Variants in HMCN2 observed in about 807,000 individuals in gnomAD.
The protein encoded by HMCN2 is hemicentin-2.
A neutral mutation model predicts 377.5 loss-of-function variants in HMCN2; 325 were observed. That is an observed-to-expected ratio of 0.86 (90% confidence interval 0.79 to 0.94). The LOEUF (loss-of-function observed/expected upper bound fraction) is 0.94, where lower values mean the gene tolerates loss of function less well. Among genes scored for constraint, HMCN2 ranks in the 40% least tolerant of loss-of-function variants. HMCN2 has a pLI of 0.00. For missense variants in HMCN2, 4,543 were observed against 4,725.3 expected, an observed-to-expected ratio of 0.96 and a Z score of 1.13; for synonymous variants, 2,007 against 2,046.8, an observed-to-expected ratio of 0.98 and a Z score of 0.53.
At chr9:130,396,525 G>T (rs1179399340) in intron 73 of HMCN2, among the ~76,000 whole-genome samples, 2 of 152,162 alleles carry the variant, frequency 1.3e-5, no homozygotes, top group Admixed American at 1.3e-4. Flanking sequence ...GGGTAGAGGG[G>T]CATGAATGGA....
At position 130,351,293 on chromosome 9, in the gene HMCN2, A is replaced by G. The variant is rs183541830; in HGVS notation, c.4431-130A>G. 202 of 562,932 alleles carry G rather than the reference A, an allele frequency of 3.6e-4. 3 individuals carry two copies. In the African/African-American group the frequency reaches 3.9e-3, roughly 11 times the overall value. The allele number at this position is 562,932 out of a possible 1,614,324, so 34.9% of individuals were successfully genotyped here. Reference sequence around the variant, plus strand: ...CATTCCTCGCTTACTGGGCCTTTGCATTGCTCCCACCTCTTGGCGCTAATG... The same window carrying G: ...CATTCCTCGCTTACTGGGCCTTTGCGTTGCTCCCACCTCTTGGCGCTAATG... On this transcript the variant is annotated intron_variant, in intron 29 of 97. Coordinates refer to ENST00000683500, the MANE Select transcript of HMCN2 (RefSeq NM_001291815.2). This position sits in a 1 kb window ranked among gnomAD's most constrained non-coding sequence, Gnocchi z 5.4.
Position 130,351,722 on chromosome 9 carries a change from GTC to G in HMCN2, c.4585+146_4585+147del. The stretch of plus-strand genomic sequence containing the variant: ...GAGTCCAAGAAAGCTGGGGGCTGGG[GTC>G]GGGGTTGGGGTCAGGGTCAGGGGAT... On this transcript the variant is annotated intron_variant, in intron 30 of 97. Coordinates refer to ENST00000683500, the MANE Select transcript of HMCN2 (RefSeq NM_001291815.2). The surrounding 1 kb of genome is among the most constrained non-coding windows in gnomAD (Gnocchi z 5.4). 1 of 592,376 alleles carries G rather than the reference GTC, an allele frequency of 1.7e-6. No individual in the cohort carries two copies. The highest frequency in any genetic ancestry group is 2.5e-6 in the Non-Finnish European group (1 of 407,280). The allele number at this position is 592,376 out of a possible 1,614,324, so 36.7% of individuals were successfully genotyped here. A position where few individuals can be genotyped will look rare whatever the true frequency, so the allele number is the denominator to read the frequency against.
In HMCN2 at chr9:130,402,683, A is replaced by G. The variant is rs1452965409; in HGVS notation, c.11771-106A>G. ...CAGACTGTTTGTAAATGGGCAAAGG[A>G]GGCAGGTTGAGTGACCAGAGACAGA... is the stretch of plus-strand genomic sequence containing the variant. On this transcript the variant is annotated intron_variant, in intron 77 of 97. Coordinates refer to ENST00000683500, the MANE Select transcript of HMCN2 (RefSeq NM_001291815.2). 6 of 559,788 alleles carry G rather than the reference A, an allele frequency of 1.1e-5. No homozygotes were observed. In the Admixed American group the frequency reaches 1.8e-4, roughly 17 times the overall value. 34.7% of individuals were successfully genotyped at this position (559,788 alleles called of 1,614,324 possible).
intron 34 of HMCN2, among the ~76,000 whole-genome samples, chr9:130,357,597 G>T (rs565526899): frequency 6.6e-6 from 1 of 152,270 alleles, no homozygotes; most frequent in South Asian, 2.1e-4. Context: ...AGATGCATGG[G>T]TGCACAGATG....
Position 130,369,006 on chromosome 9 carries a change from G to A in HMCN2, c.6788-564G>A, listed in dbSNP as rs1457183970. 6.6e-6 allele frequency among the ~76,000 whole-genome samples: 1 copy of A among 152,144 alleles called. No individual in the cohort carries two copies. The highest frequency in any genetic ancestry group is 1.5e-5 in the Non-Finnish European group (1 of 68,026). The stretch of plus-strand genomic sequence containing the variant: ...CTCACTAACCCAAGCATTGGGGGTG[G>A]GGGCAGCAGCACAGTCCCTAAGGGC... On this transcript the variant is annotated intron_variant, in intron 44 of 97. Coordinates refer to ENST00000683500, the MANE Select transcript of HMCN2 (RefSeq NM_001291815.2). The surrounding 1 kb of genome is among the most constrained non-coding windows in gnomAD (Gnocchi z 4.5).
intron 1 of HMCN2, among the ~76,000 whole-genome samples, chr9:130,275,913 C>T (rs942579946): frequency 1.3e-5 from 2 of 152,080 alleles, no homozygotes; most frequent in Non-Finnish European, 2.9e-5. Context: ...GGACTAGGCA[C>T]GTCCCTGTCA....
chr9:130,361,703 T>A lies in HMCN2; in HGVS notation c.5951-305T>A, dbSNP rs1029209547. 1.3e-5 allele frequency among the ~76,000 whole-genome samples: 2 copies of A among 152,144 alleles called. No individual in the cohort carries two copies. Among genetic ancestry groups the A allele is most frequent in the Non-Finnish European group, 2.9e-5 (2 of 68,022 alleles). ...ACCCTTGGTCCCCTCCCCATCCCCATAATAAATGACCTTCTGCTGACCAGA... is the reference window on the plus strand; with the variant it reads ...ACCCTTGGTCCCCTCCCCATCCCCAAAATAAATGACCTTCTGCTGACCAGA... On this transcript the variant is annotated intron_variant, in intron 38 of 97. Transcript: ENST00000683500. This position sits in a 1 kb window ranked among gnomAD's most constrained non-coding sequence, Gnocchi z 4.8.
chr9:130,403,020 A>T (rs1385683971), intron 78 of HMCN2, 124 bp downstream of exon 78: 28 of 1,005,124 alleles, frequency 2.8e-5, no homozygotes, highest in Non-Finnish European at 3.4e-5. Context: ...CCTGTCTCCC[A>T]TGGGATTCTT....
intron 62 of HMCN2, among the ~76,000 whole-genome samples, chr9:130,390,376 G>A (rs1394595174): frequency 6.6e-6 from 1 of 152,188 alleles, no homozygotes; most frequent in Non-Finnish European, 1.5e-5. Flanking sequence ...CAGGGACTGA[G>A]CTGCCCTCAT....
In HMCN2 at chr9:130,422,211, C is replaced by T. The variant is rs965737004; in HGVS notation, c.13232-366C>T. Among the ~76,000 whole-genome samples, 2 of 152,228 alleles carry T rather than the reference C, an allele frequency of 1.3e-5. No homozygotes were observed. Among genetic ancestry groups the T allele is most frequent in the African/African-American group, 2.4e-5 (1 of 41,462 alleles). ...TGCCAGCCACGCCATCGTGGGCTCC[C>T]GGCATTTCAGAGACCCACAGGTCTT... On this transcript the variant is annotated intron_variant, in intron 86 of 97. Coordinates refer to ENST00000683500, the MANE Select transcript of HMCN2 (RefSeq NM_001291815.2). This position sits in a 1 kb window ranked among gnomAD's most constrained non-coding sequence, Gnocchi z 4.2.
chr9:130,334,722 T>TTCTCTCTTTC (rs1554945746), intron 22 of HMCN2, among the ~76,000 whole-genome samples: 40 of 138,410 alleles, frequency 2.9e-4, no homozygotes, highest in Middle Eastern at 3.4e-3. Flanking sequence ...TCTCTCTCTC[T>TTCTCTCTTTC]TCTCTCTTTC....
In HMCN2 at chr9:130,418,913, G is replaced by A. The variant is rs957090564; in HGVS notation, c.13103G>A (p.Arg4368Gln). The A allele has an allele frequency of 1.1e-5, 17 of 1,548,914 alleles. No homozygotes were observed. Among genetic ancestry groups the A allele is most frequent in the Admixed American group, 3.9e-5 (2 of 50,858 alleles). The change falls in exon 86 of 98, where the codon CGG (arginine) becomes CAG (glutamine). Residue 4368 changes from arginine to glutamine, a missense_variant. Physicochemically the swap from Arg to Gln is conservative, Grantham distance 43 (BLOSUM62 1). This residue lies in a region of HMCN2 where 1,155 missense variants were observed against 1,157.7 expected (regional missense o/e 1.00). Transcript: ENST00000683500. ...GGTCAACCCTTGCGGGCCAGCCGGCGGCTCCGGACCCTGCCCGATGGGAGC... is the reference window on the plus strand; with the variant it reads ...GGTCAACCCTTGCGGGCCAGCCGGCAGCTCCGGACCCTGCCCGATGGGAGC... ...QAGQPLRASR[R>Q]LRTLPDGSLW...
Position 130,402,886 on chromosome 9 carries a change from C to T in HMCN2, c.11868C>T (p.Leu3956=), listed in dbSNP as rs1156983068. ...SAGVAHKHVF[L]TVQASPVVKP... ...GCGTAGCCCACAAGCACGTCTTCCT[C>T]ACTGTGCAAGGTAAGGGTCCGTGGT... Residue 3956 remains leucine (L), a synonymous_variant, in exon 78 of 98, where the codon CTC becomes CTT. Coordinates refer to ENST00000683500, the MANE Select transcript of HMCN2 (RefSeq NM_001291815.2). The T allele has an allele frequency of 1.6e-6, 2 of 1,289,496 alleles. No individual in the cohort carries two copies. Among genetic ancestry groups the T allele is most frequent in the Non-Finnish European group, 2.0e-6 (2 of 988,826 alleles). 79.9% of individuals were successfully genotyped at this position (1,289,496 alleles called of 1,614,324 possible).
chr9:130,372,617 G>A (rs562668607), intron 47 of HMCN2, among the ~76,000 whole-genome samples: 3 of 152,254 alleles, frequency 2.0e-5, no homozygotes, highest in South Asian at 4.2e-4. Context: ...TCTATTAAAT[G>A]TACAAAAATT....
At chr9:130,395,435 GT>G in intron 71 of HMCN2, 88 bp downstream of exon 71, 2 of 1,149,076 alleles carry the variant, frequency 1.7e-6, no homozygotes, top group South Asian at 3.1e-5. Flanking sequence ...TCCAGAGCGG[GT>G]GCCAAGGGCC....
chr9:130,312,369 C>A (rs1292607701), intron 15 of HMCN2, among the ~76,000 whole-genome samples: 3 of 151,834 alleles, frequency 2.0e-5, no homozygotes, highest in African/African-American at 7.3e-5. Context: ...TCTGGGTGAG[C>A]AGATAGGGTG....
chr9:130,394,980 G>A lies in HMCN2; in HGVS notation c.10693-47G>A, dbSNP rs970040128. 1.0e-5 allele frequency: 12 copies of A among 1,172,382 alleles called. No homozygotes were observed. Among genetic ancestry groups the A allele is most frequent in the Middle Eastern group, 3.0e-4 (1 of 3,282 alleles). 72.6% of individuals were successfully genotyped at this position (1,172,382 alleles called of 1,614,324 possible). On this transcript the variant is annotated intron_variant, in intron 69 of 97. Coordinates refer to ENST00000683500, the MANE Select transcript of HMCN2 (RefSeq NM_001291815.2). The surrounding 1 kb of genome is among the most constrained non-coding windows in gnomAD (Gnocchi z 5.1). Reference sequence around the variant, plus strand: ...TGAGAAAGAAACCAGATTGGGAGGCGGGCAGAGAGGGGCCAGGGGCAGCTG... The same window carrying A: ...TGAGAAAGAAACCAGATTGGGAGGCAGGCAGAGAGGGGCCAGGGGCAGCTG...
intron 1 of HMCN2, among the ~76,000 whole-genome samples, chr9:130,278,879 C>A (rs1834951371): frequency 1.3e-5 from 2 of 149,118 alleles, no homozygotes; most frequent in Non-Finnish European, 1.5e-5. Context: ...CCTCACCCAG[C>A]CTGAGACCCT....
chr9:130,338,265 T>A (rs1838863475), intron 23 of HMCN2: 2 of 152,724 alleles, frequency 1.3e-5, no homozygotes, highest in South Asian at 4.1e-4. Flanking sequence ...GGAGACGCTG[T>A]TCAGAGGCCC....
Sources: gnomAD v4.1 joint callset for allele counts (sites outside exome capture counted in the v4.1 genomes callset) on GRCh38, gnomAD v4.1.1 for gene constraint, gnomAD v4.1.1 regional missense constraint, Gnocchi (gnomAD v3.1) non-coding constraint, MANE v1.5 for transcripts, NCBI Gene and HGNC (gene_info 2026-07-23, HGNC 2026-07-21) for gene names.